The following EPB41L3 variants were observed in gnomAD, a reference collection of about 807,000 sequenced individuals.
EPB41L3 encodes the protein erythrocyte membrane protein band 4.1 like 3.
A neutral mutation model predicts 127.1 loss-of-function variants in EPB41L3; 57 were observed. The observed-to-expected ratio is 0.45, with a 90% CI of 0.36 to 0.56. The LOEUF is 0.56. EPB41L3 is among the 20% of genes least tolerant of loss of function. The pLI is 0.00. For synonymous variants in EPB41L3, 572 were observed against 549.5 expected, an observed-to-expected ratio of 1.04 and a Z score of -0.57; for missense variants, 1,273 against 1,372.2, an observed-to-expected ratio of 0.93 and a Z score of 1.14.
chr18:5,507,834 C>T (rs1302150074), intron 1 of EPB41L3, among the ~76,000 whole-genome samples: 1 of 152,154 alleles, frequency 6.6e-6, no homozygotes, highest in East Asian at 1.9e-4. Context: ...GCTTTCTAGG[C>T]CTTAAGATCA....
rs144950526 is a variant in EPB41L3, at chr18:5,444,842, C to G, written c.486+298G>C. 6.6e-5 allele frequency among the ~76,000 whole-genome samples: 10 copies of G among 152,212 alleles called. 1 individual carries two copies. The East Asian group carries it at 1.9e-3, about 29-fold the overall frequency. ...TAATCTACTGAAACACATTACTCCC[C>G]CCAACCCCACCCCGGCAAAAGGAAC... is the stretch of plus-strand genomic sequence containing the variant. On this transcript the variant is annotated intron_variant, in intron 4 of 22. Coordinates refer to ENST00000341928, the MANE Select transcript of EPB41L3 (RefSeq NM_012307.5).
chr18:5,503,657 A>G (rs1318415393), intron 1 of EPB41L3, among the ~76,000 whole-genome samples: 1 of 152,252 alleles, frequency 6.6e-6, no homozygotes, highest in Non-Finnish European at 1.5e-5. Flanking sequence ...CTGCATTTGA[A>G]GACAGAAATG....
At chr18:5,516,646 T>C (rs1442422421) in intron 1 of EPB41L3, among the ~76,000 whole-genome samples, 1 of 152,242 alleles carries the variant, frequency 6.6e-6, no homozygotes, top group Non-Finnish European at 1.5e-5. Flanking sequence ...ATACAGGGAA[T>C]GTAAATTCAT....
At chr18:5,570,381 G>C (rs988790059) in intron 3 of EPB41L3, among the ~76,000 whole-genome samples, 2 of 152,122 alleles carry the variant, frequency 1.3e-5, no homozygotes, top group African/African-American at 4.8e-5. Context: ...TTTTGCACAA[G>C]AGAATCAAGT....
At chr18:5,467,381 C>A (rs562214351) in intron 3 of EPB41L3, 1 of 75,260 alleles carries the variant, frequency 1.3e-5, no homozygotes, top group African/African-American at 3.5e-5. Flanking sequence ...TGATACTCTG[C>A]CCACTGACTA....
chr18:5,597,586 T>C (rs991012098), intron 3 of EPB41L3, among the ~76,000 whole-genome samples: 3 of 152,174 alleles, frequency 2.0e-5, no homozygotes, highest in African/African-American at 7.2e-5. Context: ...GAGATGAATA[T>C]ACAATATAAA....
At chr18:5,559,682 A>T (rs1189236759) in intron 3 of EPB41L3, among the ~76,000 whole-genome samples, 2 of 152,190 alleles carry the variant, frequency 1.3e-5, no homozygotes, top group African/African-American at 4.8e-5. Context: ...TATTTGATGT[A>T]ATTTGAAACC....
intron 1 of EPB41L3, among the ~76,000 whole-genome samples, chr18:5,519,335 T>C (rs2092891430): frequency 6.6e-6 from 1 of 152,220 alleles, no homozygotes; most frequent in African/African-American, 2.4e-5. Flanking sequence ...ACTATACTCC[T>C]TGTCCTTCAG....
Position 5,543,962 on chromosome 18 carries a change from G to C in EPB41L3, c.-61C>G, listed in dbSNP as rs570184229. 5 of 985,670 alleles carry C rather than the reference G, an allele frequency of 5.1e-6. No homozygotes were observed. Among genetic ancestry groups the C allele is most frequent in the Middle Eastern group, 5.2e-4 (1 of 1,916 alleles). 61.1% of individuals were successfully genotyped at this position (985,670 alleles called of 1,614,324 possible). ...GCGCCGCGGCGTGGGGACTAGGCTC[G>C]GGCGCGCGTCCTCGGCGGCGGTGCG... is the stretch of plus-strand genomic sequence containing the variant. On this transcript the variant is annotated 5_prime_UTR_variant, in exon 1 of 23. Coordinates refer to ENST00000341928, the MANE Select transcript of EPB41L3 (RefSeq NM_012307.5). The surrounding 1 kb of genome is among the most constrained non-coding windows in gnomAD (Gnocchi z 5.2).
intron 3 of EPB41L3, among the ~76,000 whole-genome samples, chr18:5,578,718 T>A (rs1014292096): frequency 6.6e-6 from 1 of 152,108 alleles, no homozygotes; most frequent in African/African-American, 2.4e-5. Context: ...CATAATGCAA[T>A]AAAGAGCCTC....
rs2076732032 is a variant in EPB41L3 at position 5,415,839 on chromosome 18, CG to C, written c.2045del (p.Pro682ArgfsTer40). ...ASLSASLDND[P>X]SDSSEEETDS... ...ACACCTCTTCCTCTGAACTGTCACTCGGGTCATTGTCTAGGGAGGCGCTCAA... is the reference window on the plus strand; with the variant it reads ...ACACCTCTTCCTCTGAACTGTCACTCGGTCATTGTCTAGGGAGGCGCTCAA... On this transcript the variant is annotated frameshift_variant, in exon 13 of 23. Transcript: ENST00000341928. LOFTEE classifies it high-confidence loss of function. 1.2e-6 allele frequency: 2 copies of C among 1,612,720 alleles called. No individual in the cohort carries two copies. The highest frequency in any genetic ancestry group is 1.7e-6 in the Non-Finnish European group (2 of 1,179,766).
chr18:5,491,005 T>C (rs977812509), intron 1 of EPB41L3, among the ~76,000 whole-genome samples: 2 of 152,226 alleles, frequency 1.3e-5, no homozygotes, highest in Non-Finnish European at 2.9e-5. Flanking sequence ...TGGAATCCAT[T>C]TTCTTCATCT....
At chr18:5,594,472 T>C (rs963188501) in intron 3 of EPB41L3, among the ~76,000 whole-genome samples, 5 of 152,222 alleles carry the variant, frequency 3.3e-5, no homozygotes, top group African/African-American at 1.2e-4. Flanking sequence ...AGGCCTTGCA[T>C]TGTAATAAAA....
chr18:5,442,244 A>G (rs1043950218), intron 5 of EPB41L3, among the ~76,000 whole-genome samples: 17 of 152,158 alleles, frequency 1.1e-4, no homozygotes, highest in Admixed American at 1.1e-3. Flanking sequence ...ACAAAAAATA[A>G]GTAGTGTTTT....
intron 3 of EPB41L3, among the ~76,000 whole-genome samples, chr18:5,579,428 A>G (rs1785427): frequency 0.4 from 60,806 of 152,086 alleles, 12,817 homozygotes; most frequent in Non-Finnish European, 0.47. Flanking sequence ...ACACCGATGA[A>G]TACATATCAT....
chr18:5,586,405 T>C (rs1171647841), intron 3 of EPB41L3, among the ~76,000 whole-genome samples: 1 of 6,628 alleles, frequency 1.5e-4, no homozygotes, highest in African/African-American at 3.7e-4. Context: ...TCTTTTTTGT[T>C]TTTTTTTTTT....
At chr18:5,460,766 G>A (rs921605467) in intron 3 of EPB41L3, among the ~76,000 whole-genome samples, 12 of 152,134 alleles carry the variant, frequency 7.9e-5, no homozygotes, top group Admixed American at 5.2e-4. Context: ...CATGGACACC[G>A]GGTTGAGGCT....
At chr18:5,629,283 C>T (rs567402450), upstream of EPB41L3, among the ~76,000 whole-genome samples, 1 of 152,118 alleles carries the variant, frequency 6.6e-6, no homozygotes, top group East Asian at 2.0e-4. Flanking sequence ...GAGCCGGCAG[C>T]GCGGAGTTGC....
intron 1 of EPB41L3, among the ~76,000 whole-genome samples, chr18:5,523,976 T>C (rs1050657287): frequency 2.0e-5 from 3 of 152,186 alleles, no homozygotes; most frequent in African/African-American, 7.2e-5. Context: ...TCTATGTATG[T>C]GTTTATATAT....
Sources: allele counts gnomAD v4.1 joint callset (sites outside exome capture counted in the v4.1 genomes callset), GRCh38; gene constraint gnomAD v4.1.1; non-coding constraint Gnocchi (gnomAD v3.1); transcripts MANE v1.5; gene names NCBI Gene and HGNC (gene_info 2026-07-23, HGNC 2026-07-21).